Variants in CA10 observed in about 807,000 individuals in gnomAD.
CA10 encodes the protein carbonic anhydrase 10 (inactive), also known as carbonic anhydrase-related protein 10.
In CA10, 14 loss-of-function variants were observed where a neutral mutation model predicts 44.2. The observed-to-expected ratio is 0.32, with a 90% CI of 0.21 to 0.50. CA10 has a LOEUF of 0.50. Among genes scored for constraint, CA10 ranks in the 20% least tolerant of loss-of-function variants. The pLI, the probability that CA10 is intolerant of heterozygous loss-of-function variation, is 0.99. For synonymous variants in CA10, 159 were observed against 141.6 expected (o/e 1.12, Z -0.87); for missense variants, 350 against 409.7 (o/e 0.85, Z 1.26).
At chr17:51,809,128 C>T (rs936763021) in intron 3 of CA10, among the ~76,000 whole-genome samples, 16 of 150,992 alleles carry the variant, frequency 1.1e-4, no homozygotes, top group African/African-American at 2.7e-4. Flanking sequence ...ATAAAAGGAA[C>T]AAAAGTGATA....
intron 3 of CA10, among the ~76,000 whole-genome samples, chr17:51,830,057 T>G (rs1908175176): frequency 6.6e-6 from 1 of 151,282 alleles, no homozygotes; most frequent in South Asian, 2.1e-4. Context: ...ATTAGCCGGG[T>G]GTGTTGGCGC....
chr17:51,721,525 T>C (rs935270823), intron 4 of CA10, among the ~76,000 whole-genome samples: 6 of 151,888 alleles, frequency 4.0e-5, no homozygotes, highest in Non-Finnish European at 7.4e-5. Flanking sequence ...TTAGTAGAGA[T>C]GGGTTTCACT....
At chr17:51,852,932 T>C (rs994601499) in intron 3 of CA10, among the ~76,000 whole-genome samples, 2 of 152,162 alleles carry the variant, frequency 1.3e-5, no homozygotes, top group African/African-American at 4.8e-5. Flanking sequence ...TCTTAATTCT[T>C]AAGAGAAAAA....
chr17:52,123,681 G>T (rs1989060625), intron 1 of CA10, among the ~76,000 whole-genome samples: 1 of 152,128 alleles, frequency 6.6e-6, no homozygotes, highest in Non-Finnish European at 1.5e-5. Flanking sequence ...AGTTTTTCAA[G>T]ATTATCTACT....
intron 4 of CA10, among the ~76,000 whole-genome samples, chr17:51,669,299 C>T (rs1439553540): frequency 6.6e-6 from 1 of 152,084 alleles, no homozygotes; most frequent in African/African-American, 2.4e-5. Context: ...TTTGTGGATG[C>T]ACCAATCAGT....
intron 3 of CA10, among the ~76,000 whole-genome samples, chr17:51,899,183 C>T (rs1981204594): frequency 6.6e-6 from 1 of 152,044 alleles, no homozygotes; most frequent in African/African-American, 2.4e-5. Context: ...GCATTTAGCA[C>T]TATGAATATT....
intron 6 of CA10, among the ~76,000 whole-genome samples, chr17:51,643,817 C>T (rs1274764169): frequency 6.6e-6 from 1 of 152,222 alleles, no homozygotes; most frequent in African/African-American, 2.4e-5. Flanking sequence ...GTTCATTTTA[C>T]ACCTAGTTTA....
intron 1 of CA10, among the ~76,000 whole-genome samples, chr17:52,117,452 T>C (rs1426122765): frequency 1.3e-5 from 2 of 152,180 alleles, no homozygotes; most frequent in Non-Finnish European, 2.9e-5. Context: ...TTGTTGAGAT[T>C]GGGATTTTTT....
intron 7 of CA10, 75 bp from the exon 8 acceptor site, chr17:51,633,725 C>A: frequency 6.6e-7 from 1 of 1,518,502 alleles, no homozygotes. Flanking sequence ...ACCACAGAGA[C>A]TCTGGCCAAG....
At chr17:51,865,286 C>T (rs1378467554) in intron 3 of CA10, among the ~76,000 whole-genome samples, 2 of 152,206 alleles carry the variant, frequency 1.3e-5, no homozygotes, top group Non-Finnish European at 2.9e-5. Flanking sequence ...AGAATGTAAG[C>T]TCCATGAAGG....
At chr17:51,962,248 C>T (rs536823886) in intron 2 of CA10, among the ~76,000 whole-genome samples, 1 of 152,236 alleles carries the variant, frequency 6.6e-6, no homozygotes, top group Non-Finnish European at 1.5e-5. Context: ...TTAGGCTGAC[C>T]TTGCCACTTG....
At chr17:52,091,655 T>C (rs139958156) in intron 1 of CA10, among the ~76,000 whole-genome samples, 31 of 152,332 alleles carry the variant, frequency 2.0e-4, no homozygotes, top group African/African-American at 7.0e-4. Flanking sequence ...CTTCAAGCTC[T>C]AAGCTCAGGG....
chr17:52,024,517 G>C (rs540567042), intron 2 of CA10, among the ~76,000 whole-genome samples: 40 of 151,942 alleles, frequency 2.6e-4, no homozygotes, highest in Non-Finnish European at 5.4e-4. Flanking sequence ...GGGGTGGGAG[G>C]GGGTAAAGCT....
chr17:51,712,911 C>T (rs1371253109), intron 4 of CA10, among the ~76,000 whole-genome samples: 1 of 152,176 alleles, frequency 6.6e-6, no homozygotes, highest in Non-Finnish European at 1.5e-5. Flanking sequence ...GGGTGAGTGT[C>T]TTTGTCTGCA....
At chr17:52,128,871 G>T (rs1157660374) in intron 1 of CA10, among the ~76,000 whole-genome samples, 4 of 152,068 alleles carry the variant, frequency 2.6e-5, no homozygotes, top group Non-Finnish European at 5.9e-5. Context: ...CTAAACATCT[G>T]GATACTATCT....
intron 2 of CA10, among the ~76,000 whole-genome samples, chr17:52,059,670 A>AT (rs1261937455): frequency 1.7e-5 from 2 of 114,686 alleles, no homozygotes; most frequent in Non-Finnish European, 3.9e-5. Context: ...TTAAAGTATA[A>AT]TAAAAAAAAA....
At chr17:51,643,881 A>G (rs946923708) in intron 6 of CA10, among the ~76,000 whole-genome samples, 1 of 152,204 alleles carries the variant, frequency 6.6e-6, no homozygotes, top group African/African-American at 2.4e-5. Context: ...TCTCATGCCA[A>G]CCATCTCAAC....
intron 5 of CA10, among the ~76,000 whole-genome samples, chr17:51,649,931 T>C (rs753776164): frequency 6.7e-6 from 1 of 150,144 alleles, no homozygotes; most frequent in Non-Finnish European, 1.5e-5. Context: ...GAATTGAGTA[T>C]ATCATAAGCC....
intron 1 of CA10, among the ~76,000 whole-genome samples, chr17:52,096,438 G>C (rs1395444030): frequency 1.3e-5 from 2 of 152,092 alleles, no homozygotes; most frequent in Non-Finnish European, 2.9e-5. Context: ...AAAAGTTCCT[G>C]GACACTCTGG....
Sources: allele counts gnomAD v4.1 joint callset (sites outside exome capture counted in the v4.1 genomes callset), GRCh38; gene constraint gnomAD v4.1.1; transcripts MANE v1.5; gene names NCBI Gene and HGNC (gene_info 2026-07-23, HGNC 2026-07-21).